PGAP1: variants seen among roughly 807,000 people sequenced by gnomAD.
PGAP1 encodes GPI inositol-deacylase.
In PGAP1, 76 loss-of-function variants were observed where a neutral mutation model predicts 127.0. That is an observed-to-expected ratio of 0.60 (90% CI 0.50 to 0.72). The LOEUF (loss-of-function observed/expected upper bound fraction) is 0.72, where lower values mean the gene tolerates loss of function less well. Ranked by LOEUF, PGAP1 falls within the 30% of genes least tolerant of loss-of-function variation. PGAP1 has a pLI of 0.00. For synonymous variants in PGAP1, 362 were observed against 366.5 expected (o/e 0.99, Z 0.14); for missense variants, 982 against 1,071.3 (o/e 0.92, Z 1.16).
chr2:196,849,625 T>C (rs1700660485), intron 20 of PGAP1, among the ~76,000 whole-genome samples: 1 of 152,048 alleles, frequency 6.6e-6, no homozygotes, highest in Non-Finnish European at 1.5e-5. Flanking sequence ...AACTGAATAT[T>C]GCTTACCACT....
chr2:196,899,393 C>T (rs1464149481), intron 5 of PGAP1, among the ~76,000 whole-genome samples: 2 of 152,140 alleles, frequency 1.3e-5, no homozygotes, highest in African/African-American at 4.8e-5. Context: ...GAATCTACAG[C>T]TTACTTGATG....
Position 196,873,737 on chromosome 2 carries a change from A to T in PGAP1, c.1448T>A (p.Val483Glu), listed in dbSNP as rs1701475548. 5 of 1,611,328 alleles carry T rather than the reference A, an allele frequency of 3.1e-6. No homozygotes were observed. In the South Asian group the frequency reaches 5.5e-5, roughly 18 times the overall value. Residue 483 changes from valine (V) to glutamate (E), a missense_variant, in exon 15 of 27, where the codon GTG becomes GAG. Transcript: ENST00000354764. ...FSFGLSSRKVVLNTNGLYYNL... is the reference protein window; with the variant it reads ...FSFGLSSRKVELNTNGLYYNL... ...GTAGTATAGGCCATTTGTATTTAAC[A>T]CCACTTTCCTTGAAGACAATCCTGT...
chr2:196,915,036 T>C (rs754376040), intron 3 of PGAP1, among the ~76,000 whole-genome samples: 1 of 152,166 alleles, frequency 6.6e-6, no homozygotes, highest in African/African-American at 2.4e-5. Flanking sequence ...TAGGCTACAA[T>C]GGTCAATTAT....
chr2:196,920,062 T>C lies in PGAP1; in HGVS notation c.236A>G (p.Lys79Arg). 1.2e-6 allele frequency: 2 copies of C among 1,613,528 alleles called. No individual in the cohort carries two copies. Among genetic ancestry groups the C allele is most frequent in the Non-Finnish European group, 8.5e-7 (1 of 1,179,636 alleles). Residue 79 changes from lysine (K) to arginine (R), a missense_variant, in exon 2 of 27, where the codon AAA (lysine) becomes AGA (arginine). Coordinates refer to ENST00000354764, the MANE Select transcript of PGAP1 (RefSeq NM_024989.4). ...YGEGSYAEEHKILPLTGIPVL... is the reference protein window; with the variant it reads ...YGEGSYAEEHRILPLTGIPVL... ...TGGAATACCCGTCAAAGGGAGAATT[T>C]TGTGTTCTTCAGCATAGGATCCCTC...
At position 196,839,629 on chromosome 2, in the gene PGAP1, C is replaced by T. The variant is rs1348869501; in HGVS notation, c.*1605G>A. 1 of 152,102 alleles carries T rather than the reference C, an allele frequency of 6.6e-6. No individual in the cohort carries two copies. Among genetic ancestry groups the T allele is most frequent in the African/African-American group, 2.4e-5 (1 of 41,386 alleles). 9.4% of individuals were successfully genotyped at this position (152,102 alleles called of 1,614,324 possible). A position where few individuals can be genotyped will look rare whatever the true frequency, so the allele number is the denominator to read the frequency against. On this transcript the variant is annotated 3_prime_UTR_variant, in exon 27 of 27. Coordinates refer to ENST00000354764, the MANE Select transcript of PGAP1 (RefSeq NM_024989.4). ...CAATGGGATCAAACAAACTTAAAAC[C>T]CTCAGAGATGAGAGCAAGACTCCCT... is the stretch of plus-strand genomic sequence containing the variant.
chr2:196,855,408 C>T (rs1340363921), intron 20 of PGAP1, among the ~76,000 whole-genome samples: 1 of 151,472 alleles, frequency 6.6e-6, no homozygotes, highest in East Asian at 1.9e-4. Context: ...CCACACCTGT[C>T]CAATAAGCAC....
chr2:196,904,611 C>T (rs1702627514), intron 4 of PGAP1, among the ~76,000 whole-genome samples: 1 of 152,090 alleles, frequency 6.6e-6, no homozygotes, highest in South Asian at 2.1e-4. Context: ...ACCTGTAGTC[C>T]CAGCTACTTG....
At chr2:196,906,819 G>T (rs1236642419) in intron 4 of PGAP1, among the ~76,000 whole-genome samples, 2 of 30,076 alleles carry the variant, frequency 6.6e-5, no homozygotes, top group African/African-American at 1.4e-4. Flanking sequence ...AGCCTCAGGA[G>T]CCGATGCGAT....
At chr2:196,893,295 G>T in intron 7 of PGAP1, 50 bp from the exon 8 acceptor site, 1 of 1,012,364 alleles carries the variant, frequency 9.9e-7, no homozygotes, top group Non-Finnish European at 1.5e-6. Flanking sequence ...TATTGTAATA[G>T]CTTGATGAAA....
rs1198656690 is a variant in PGAP1 at position 196,836,604 on chromosome 2, TC to T, written c.*4629del. ...GTAGTAGCTTCACAGCTTTCCTATTTCCTCAGGCTATTAAACATATTGTGAA... is the reference window on the plus strand; with the variant it reads ...GTAGTAGCTTCACAGCTTTCCTATTTCTCAGGCTATTAAACATATTGTGAA... On this transcript the variant is annotated 3_prime_UTR_variant, in exon 27 of 27. Transcript: ENST00000354764. 1 of 152,148 alleles carries T rather than the reference TC, an allele frequency of 6.6e-6. No individual in the cohort carries two copies. Among genetic ancestry groups the T allele is most frequent in the Non-Finnish European group, 1.5e-5 (1 of 67,982 alleles). The allele number at this position is 152,148 out of a possible 1,614,324, so 9.4% of individuals were successfully genotyped here. A position where few individuals can be genotyped will look rare whatever the true frequency, so the allele number is the denominator to read the frequency against.
intron 2 of PGAP1, among the ~76,000 whole-genome samples, chr2:196,919,539 C>T (rs1424552221): frequency 1.3e-5 from 2 of 152,180 alleles, no homozygotes; most frequent in Non-Finnish European, 2.9e-5. Context: ...CCCTATCTCA[C>T]CTTTCTATGT....
chr2:196,882,465 A>G (rs964090894), intron 12 of PGAP1, among the ~76,000 whole-genome samples: 27 of 152,324 alleles, frequency 1.8e-4, no homozygotes, highest in African/African-American at 6.5e-4. Flanking sequence ...AATGCTATTG[A>G]TTCTTCCTAT....
chr2:196,871,045 T>C lies in PGAP1; in HGVS notation c.1729-66A>G, dbSNP rs1359278155. The C allele has an allele frequency of 4.2e-6, 5 of 1,188,626 alleles. No individual in the cohort carries two copies. The African/African-American group carries it at 4.5e-5, about 11-fold the overall frequency. 73.6% of individuals were successfully genotyped at this position (1,188,626 alleles called of 1,614,324 possible). On this transcript the variant is annotated intron_variant, in intron 18 of 26. Transcript: ENST00000354764. ...CTAAACTCCTTTACATTTTATTAAA[T>C]TGAGCACTTATGCATATCTCTAAGC...
In PGAP1 at chr2:196,865,691, G is replaced by A. The variant is rs540137903; in HGVS notation, c.1768-611C>T. ...TTATTAACTTTTTATGTCCTTCACT[G>A]TGTTTGAAAATCTTATGGAACTATA... On this transcript the variant is annotated intron_variant, in intron 19 of 26. Transcript: ENST00000354764. 1.4e-4 allele frequency among the ~76,000 whole-genome samples: 22 copies of A among 152,208 alleles called. No individual in the cohort carries two copies. In the South Asian group the frequency reaches 4.4e-3, roughly 30 times the overall value.
intron 20 of PGAP1, among the ~76,000 whole-genome samples, chr2:196,850,155 C>A (rs1301611141): frequency 3.9e-5 from 6 of 152,328 alleles, no homozygotes; most frequent in Non-Finnish European, 7.4e-5. Context: ...ACTCCTAGAG[C>A]CCTCTAGGTT....
intron 19 of PGAP1, among the ~76,000 whole-genome samples, chr2:196,865,304 G>T (rs1701204089): frequency 6.6e-6 from 1 of 152,122 alleles, no homozygotes; most frequent in Non-Finnish European, 1.5e-5. Flanking sequence ...ACATATAATT[G>T]AGTAGCATAT....
intron 20 of PGAP1, among the ~76,000 whole-genome samples, chr2:196,862,003 A>G (rs1054925581): frequency 6.6e-6 from 1 of 151,650 alleles, no homozygotes; most frequent in Non-Finnish European, 1.5e-5. Context: ...GTGTTTGAAC[A>G]ATATGAAATC....
intron 14 of PGAP1, among the ~76,000 whole-genome samples, chr2:196,875,244 T>G (rs895569562): frequency 2.0e-5 from 3 of 152,146 alleles, no homozygotes; most frequent in Non-Finnish European, 4.4e-5. Flanking sequence ...AGCCTGTAGT[T>G]TAATTAACAG....
chr2:196,839,855 AG>A lies in PGAP1; in HGVS notation c.*1378del, dbSNP rs1700356448. 1 of 152,176 alleles carries A rather than the reference AG, an allele frequency of 6.6e-6. No individual in the cohort carries two copies. Among genetic ancestry groups the A allele is most frequent in the African/African-American group, 2.4e-5 (1 of 41,436 alleles). 9.4% of individuals were successfully genotyped at this position (152,176 alleles called of 1,614,324 possible). ...GTACTAACAAGGATACATATTCACAAGTGCAATGGTGGAATCACTGGAAATT... is the reference window on the plus strand; with the variant it reads ...GTACTAACAAGGATACATATTCACAATGCAATGGTGGAATCACTGGAAATT... On this transcript the variant is annotated 3_prime_UTR_variant, in exon 27 of 27. Transcript: ENST00000354764.
Sources: allele counts gnomAD v4.1 joint callset (sites outside exome capture counted in the v4.1 genomes callset), GRCh38; gene constraint gnomAD v4.1.1; transcripts MANE v1.5; gene names NCBI Gene and HGNC (gene_info 2026-07-23, HGNC 2026-07-21).